CHRM3: variants seen among roughly 807,000 people sequenced by gnomAD.
CHRM3 encodes cholinergic receptor muscarinic 3, also known as muscarinic acetylcholine receptor M3.
CHRM3 carries 11 observed loss-of-function variants against 41.8 expected under a neutral mutation model. That is an observed-to-expected ratio of 0.26 (90% confidence interval 0.17 to 0.44). CHRM3 has a LOEUF of 0.44. CHRM3 is among the 20% of genes least tolerant of loss of function. The probability of loss-of-function intolerance (pLI) is 1.00; values close to 1 mark genes in which losing one functional copy is unlikely to be tolerated. For synonymous variants in CHRM3, 297 were observed against 301.4 expected (o/e 0.99, Z 0.15); for missense variants, 571 against 745.4 (o/e 0.77, Z 2.72).
chr1:239,484,377 G>A (rs182021813), intron 1 of CHRM3, among the ~76,000 whole-genome samples: 20 of 152,220 alleles, frequency 1.3e-4, no homozygotes, highest in Admixed American at 8.5e-4. Context: ...CCAAGGGGAC[G>A]GTGATAAGCC....
chr1:239,529,628 AAAACAAAC>A (rs1309656206), intron 2 of CHRM3, among the ~76,000 whole-genome samples: 8 of 46,766 alleles, frequency 1.7e-4, no homozygotes, highest in Admixed American at 5.5e-4. Context: ...AAAAAAAAAA[AAAACAAAC>A]AAACAACAAC....
intron 1 of CHRM3, among the ~76,000 whole-genome samples, chr1:239,437,490 T>G (rs750754918): frequency 6.6e-6 from 1 of 152,238 alleles, no homozygotes; most frequent in Non-Finnish European, 1.5e-5. Context: ...CCTGGTGTGA[T>G]GAGTGAACTC....
intron 5 of CHRM3, among the ~76,000 whole-genome samples, chr1:239,759,157 G>GTTTTTTTTTTTTTTTT (rs1190071839): frequency 3.3e-5 from 4 of 121,640 alleles, no homozygotes; most frequent in African/African-American, 1.0e-4. Flanking sequence ...AGCTTTATGG[G>GTTTTTTTTTTTTTTTT]TTTTTTTTTT....
At chr1:239,767,736 T>A (rs1011916882) in intron 5 of CHRM3, among the ~76,000 whole-genome samples, 1 of 152,216 alleles carries the variant, frequency 6.6e-6, no homozygotes, top group Non-Finnish European at 1.5e-5. Flanking sequence ...TCGTGCAAGA[T>A]ACCGATTTTC....
chr1:239,496,113 G>T (rs147639374), intron 2 of CHRM3, among the ~76,000 whole-genome samples: 1 of 152,118 alleles, frequency 6.6e-6, no homozygotes, highest in East Asian at 1.9e-4. Context: ...CTCCTTATTG[G>T]CTGACGTCTC....
chr1:239,454,883 C>G (rs1260220558), intron 1 of CHRM3, among the ~76,000 whole-genome samples: 1 of 152,092 alleles, frequency 6.6e-6, no homozygotes, highest in Non-Finnish European at 1.5e-5. Flanking sequence ...AGCTCACTAC[C>G]CGTGCATGTG....
At chr1:239,730,722 T>C (rs1277598095) in intron 5 of CHRM3, among the ~76,000 whole-genome samples, 2 of 151,874 alleles carry the variant, frequency 1.3e-5, no homozygotes, top group African/African-American at 2.4e-5. Context: ...TTTCACAGGG[T>C]CCTGACAGTG....
intron 5 of CHRM3, among the ~76,000 whole-genome samples, chr1:239,737,139 A>T (rs992659453): frequency 3.3e-5 from 5 of 152,138 alleles, no homozygotes; most frequent in Non-Finnish European, 7.4e-5. Flanking sequence ...AAGTATAAAT[A>T]ATTACAATGA....
intron 3 of CHRM3, among the ~76,000 whole-genome samples, chr1:239,581,445 CGTGT>C: frequency 9.6e-6 from 1 of 103,870 alleles, no homozygotes; most frequent in South Asian, 3.7e-4. Flanking sequence ...TGCTGAGTTG[CGTGT>C]GTGTGTGGGT....
intron 3 of CHRM3, among the ~76,000 whole-genome samples, chr1:239,597,588 C>A (rs1177006415): frequency 6.6e-6 from 1 of 152,038 alleles, no homozygotes; most frequent in Admixed American, 6.6e-5. Flanking sequence ...CTGGTCATAT[C>A]ATTACAATAC....
intron 3 of CHRM3, among the ~76,000 whole-genome samples, chr1:239,608,663 G>A (rs1381203258): frequency 2.0e-5 from 3 of 152,102 alleles, no homozygotes; most frequent in Non-Finnish European, 4.4e-5. Context: ...CAATGGCGCT[G>A]CCGAGCCAGC....
intron 3 of CHRM3, among the ~76,000 whole-genome samples, chr1:239,579,055 A>T (rs1036234677): frequency 6.6e-6 from 1 of 152,162 alleles, no homozygotes; most frequent in Admixed American, 6.6e-5. Context: ...ACTTATCTCA[A>T]ATAAAGGAAT....
At chr1:239,448,959 G>C (rs1388413207) in intron 1 of CHRM3, among the ~76,000 whole-genome samples, 1 of 152,160 alleles carries the variant, frequency 6.6e-6, no homozygotes, top group Non-Finnish European at 1.5e-5. Flanking sequence ...GTATCAAAAA[G>C]TATGAAGTTG....
At chr1:239,466,897 A>T (rs1558244349) in intron 1 of CHRM3, among the ~76,000 whole-genome samples, 1 of 152,216 alleles carries the variant, frequency 6.6e-6, no homozygotes, top group Non-Finnish European at 1.5e-5. Flanking sequence ...TCAATCTTCC[A>T]TAGTCATCTA....
intron 1 of CHRM3, among the ~76,000 whole-genome samples, chr1:239,457,353 G>A (rs774674287): frequency 1.4e-4 from 22 of 152,132 alleles, no homozygotes; most frequent in Middle Eastern, 3.2e-3. Flanking sequence ...TATTGGGATT[G>A]TAGTTTTTTA....
intron 6 of CHRM3, among the ~76,000 whole-genome samples, chr1:239,829,358 C>T (rs568188656): frequency 3.0e-4 from 46 of 151,732 alleles, no homozygotes; most frequent in Non-Finnish European, 5.6e-4. Context: ...GTACAGCCCC[C>T]TGGGACTGGG....
chr1:239,612,653 C>T (rs899878937), intron 3 of CHRM3, among the ~76,000 whole-genome samples: 28 of 152,182 alleles, frequency 1.8e-4, no homozygotes, highest in African/African-American at 6.8e-4. Context: ...TTTTCTTCTC[C>T]AGGCTTTCTT....
intron 1 of CHRM3, among the ~76,000 whole-genome samples, chr1:239,462,556 G>C (rs927528408): frequency 1.3e-5 from 2 of 152,174 alleles, no homozygotes; most frequent in African/African-American, 4.8e-5. Flanking sequence ...TGCAGGGTAC[G>C]TGTAAAAATA....
At chr1:239,619,605 C>T (rs1371715156) in intron 3 of CHRM3, among the ~76,000 whole-genome samples, 1 of 152,128 alleles carries the variant, frequency 6.6e-6, no homozygotes, top group African/African-American at 2.4e-5. Context: ...CATAGTGGTC[C>T]TTTAAGCTGT....
Sources: allele counts gnomAD v4.1 joint callset (sites outside exome capture counted in the v4.1 genomes callset), GRCh38; gene constraint gnomAD v4.1.1; transcripts MANE v1.5; gene names NCBI Gene and HGNC (gene_info 2026-07-23, HGNC 2026-07-21).